Variants in AFF1 observed in about 807,000 individuals in gnomAD.
The protein encoded by AFF1 is AF4/FMR2 family member 1.
Under a neutral mutation model 121.7 loss-of-function variants are expected in AFF1, and 48 were observed. That is an observed-to-expected ratio of 0.39 (90% CI 0.31 to 0.50). AFF1 has a LOEUF of 0.50. Among genes scored for constraint, AFF1 ranks in the 20% least tolerant of loss-of-function variants. The pLI, the probability that AFF1 is intolerant of heterozygous loss-of-function variation, is 0.76. For synonymous variants in AFF1, 613 were observed against 563.0 expected (o/e 1.09, Z -1.26); for missense variants, 1,523 against 1,511.7 (o/e 1.01, Z -0.12).
chr4:87,056,620 CTTTG>C (rs1347536051), intron 4 of AFF1, among the ~76,000 whole-genome samples: 2 of 152,156 alleles, frequency 1.3e-5, no homozygotes, highest in Admixed American at 6.5e-5. Flanking sequence ...TTAAAAATAA[CTTTG>C]TTTCTTTGTC....
At position 86,989,397 on chromosome 4, in the gene AFF1, A is replaced by G. The variant is rs780456488; in HGVS notation, c.38+40826A>G. The stretch of plus-strand genomic sequence containing the variant: ...ATGAATAGAGACTTCTCAAAAGAAG[A>G]CATTTATGCGGCCAACAAACATGAA... On this transcript the variant is annotated intron_variant, in intron 2 of 20. Transcript: ENST00000395146. Among the ~76,000 whole-genome samples the G allele has an allele frequency of 5.3e-5, 8 of 152,248 alleles. No homozygotes were observed. The East Asian group carries it at 1.3e-3, about 26-fold the overall frequency.
chr4:87,102,724 G>C (rs1490514706), intron 8 of AFF1, among the ~76,000 whole-genome samples: 1 of 152,154 alleles, frequency 6.6e-6, no homozygotes, highest in Non-Finnish European at 1.5e-5. Flanking sequence ...AAAATTTATA[G>C]GTGAGAAAGA....
rs1491446337 is a variant in AFF1 at position 87,008,621 on chromosome 4, T to TG, written c.39-37545_39-37544insG. On this transcript the variant is annotated intron_variant, in intron 2 of 20. Transcript: ENST00000395146. The stretch of plus-strand genomic sequence containing the variant: ...GTTAACCTCTAGCTGAAATTTAGTG[T>TG]TTTTTTTTTTTTTAAGTAGGACTAG... 9.8e-3 allele frequency among the ~76,000 whole-genome samples: 168 copies of TG among 17,138 alleles called. 1 individual carries two copies. The highest frequency in any genetic ancestry group is 0.014 in the African/African-American group (158 of 11,300). 11.2% of individuals were successfully genotyped at this position (17,138 alleles called of 152,430 possible).
At position 87,013,032 on chromosome 4, in the gene AFF1, C is replaced by CTTTTTTTTTGTTTTTT. The variant is rs1391718271; in HGVS notation, c.39-33125_39-33124insGTTTTTTTTTTTTTTT. Reference sequence around the variant, plus strand: ...AACCAGATTGAACTGCTATCAAGTTCTTTTTTTTTTTTTTTTTTTTTTTTT... The same window carrying CTTTTTTTTTGTTTTTT: ...AACCAGATTGAACTGCTATCAAGTTCTTTTTTTTTGTTTTTTTTTTTTTTTTTTTTTTTTTTTTTTT... On this transcript the variant is annotated intron_variant, in intron 2 of 20. Transcript: ENST00000395146. Among the ~76,000 whole-genome samples, 2 of 93,514 alleles carry CTTTTTTTTTGTTTTTT rather than the reference C, an allele frequency of 2.1e-5. 1 individual carries two copies. Among genetic ancestry groups the CTTTTTTTTTGTTTTTT allele is most frequent in the African/African-American group, 8.6e-5 (2 of 23,244 alleles). 61.3% of individuals were successfully genotyped at this position (93,514 alleles called of 152,430 possible). A position where few individuals can be genotyped will look rare whatever the true frequency, so the allele number is the denominator to read the frequency against.
In AFF1 at chr4:87,126,070, T is replaced by G. The variant is rs1728212135; in HGVS notation, c.2574-29T>G. 1.9e-6 allele frequency: 3 copies of G among 1,607,118 alleles called. No individual in the cohort carries two copies. In the African/African-American group the frequency reaches 4.0e-5, roughly 22 times the overall value. ...GCCGCTTGATGTGTACTTTGCCTCC[T>G]CTTAGTTTTACGTGATGTTTCACTC... On this transcript the variant is annotated intron_variant, in intron 13 of 20. Transcript: ENST00000395146.
chr4:87,069,250 G>T (rs1721711877), intron 4 of AFF1, among the ~76,000 whole-genome samples: 1 of 148,864 alleles, frequency 6.7e-6, no homozygotes, highest in Non-Finnish European at 1.5e-5. Context: ...TAATAGACAG[G>T]TGGCGTGGTG....
At chr4:86,984,281 G>C (rs1724027177) in intron 2 of AFF1, among the ~76,000 whole-genome samples, 1 of 149,988 alleles carries the variant, frequency 6.7e-6, no homozygotes, top group South Asian at 2.1e-4. Context: ...TTCAAAGTGA[G>C]AACTGTATTT....
At chr4:87,116,766 C>G (rs1398057112) in intron 12 of AFF1, among the ~76,000 whole-genome samples, 2 of 152,192 alleles carry the variant, frequency 1.3e-5, no homozygotes, top group Non-Finnish European at 2.9e-5. Context: ...TGCTCTGTCT[C>G]AGCTAGAAGA....
At chr4:87,025,062 T>C (rs1035290896) in intron 2 of AFF1, among the ~76,000 whole-genome samples, 3 of 152,224 alleles carry the variant, frequency 2.0e-5, no homozygotes, top group African/African-American at 7.2e-5. Context: ...GGTTCTCTTA[T>C]CCTGCTCCAT....
chr4:87,086,548 A>G (rs945192534), intron 5 of AFF1, among the ~76,000 whole-genome samples: 10 of 152,184 alleles, frequency 6.6e-5, no homozygotes, highest in Non-Finnish European at 1.3e-4. Flanking sequence ...AGCAAACAGA[A>G]GGACGTCCAG....
Position 87,115,171 on chromosome 4 carries a change from A to G in AFF1, c.2338A>G (p.Ile780Val). Reference protein sequence around the residue: ...VKITLDLLSRIPQPPGKGSRQ... With the variant: ...VKITLDLLSRVPQPPGKGSRQ... ...GATCACCCTAGACCTGCTCTCTCGG[A>G]TACCCCAGCCTCCCGGGAAGGGGAG... is the stretch of plus-strand genomic sequence containing the variant. Residue 780 changes from isoleucine to valine, a missense_variant, in exon 12 of 21, where the codon ATA becomes GTA. Coordinates refer to ENST00000395146, the MANE Select transcript of AFF1 (RefSeq NM_001166693.3). 1 of 1,614,170 alleles carries G rather than the reference A, an allele frequency of 6.2e-7. No homozygotes were observed. The highest frequency in any genetic ancestry group is 8.5e-7 in the Non-Finnish European group (1 of 1,180,038).
rs1326029423 is a variant in AFF1 at position 87,135,577 on chromosome 4, C to T, written c.3536-3C>T. Reference sequence around the variant, plus strand: ...TTTTTGTTTTGTTTTGTTTTTTTTGCAGAATTCTTTGCTCGGCTCAGCACA... The same window carrying T: ...TTTTTGTTTTGTTTTGTTTTTTTTGTAGAATTCTTTGCTCGGCTCAGCACA... On this transcript the variant is annotated splice_region_variant and splice_polypyrimidine_tract_variant and intron_variant, in intron 20 of 20. Transcript: ENST00000395146. 4 of 1,541,036 alleles carry T rather than the reference C, an allele frequency of 2.6e-6. No individual in the cohort carries two copies. The highest frequency in any genetic ancestry group is 2.1e-5 in the Admixed American group (1 of 47,688).
chr4:87,024,999 C>T (rs1432906035), intron 2 of AFF1, among the ~76,000 whole-genome samples: 1 of 152,250 alleles, frequency 6.6e-6, no homozygotes, highest in South Asian at 2.1e-4. Flanking sequence ...CCCTTCACCT[C>T]TGCTGTGAGA....
intron 2 of AFF1, among the ~76,000 whole-genome samples, chr4:87,012,105 A>G (rs1320727939): frequency 6.6e-6 from 1 of 151,270 alleles, no homozygotes; most frequent in Non-Finnish European, 1.5e-5. Flanking sequence ...CTCCAAATCT[A>G]TTTTTTACAT....
intron 4 of AFF1, chr4:87,049,862 C>T (rs1466142768): frequency 1.9e-5 from 7 of 371,928 alleles, no homozygotes; most frequent in Admixed American, 3.2e-5. Flanking sequence ...ATGAAGGAGT[C>T]GTCAATCCGG....
intron 2 of AFF1, among the ~76,000 whole-genome samples, chr4:86,983,833 C>T (rs1005127807): frequency 1.2e-4 from 18 of 152,028 alleles, no homozygotes; most frequent in African/African-American, 3.4e-4. Context: ...GTCAAGAGAT[C>T]GAGACCATCC....
chr4:87,126,225 C>A lies in AFF1; in HGVS notation c.2700C>A (p.Gly900=), dbSNP rs760527218. ...KRSRREADTC[G]QDPPKSASST... The stretch of plus-strand genomic sequence containing the variant: ...CAAGGCGGGAAGCAGACACCTGTGG[C>A]CAGGACCCTCCCAAAAGTGCCAGCA... Residue 900 remains glycine (G), a synonymous_variant, in exon 14 of 21, where the codon GGC becomes GGA. Transcript: ENST00000395146. The A allele has an allele frequency of 6.2e-7, 1 of 1,614,084 alleles. No homozygotes were observed. Among genetic ancestry groups the A allele is most frequent in the Non-Finnish European group, 8.5e-7 (1 of 1,180,010 alleles).
chr4:87,006,961 A>G, intron 2 of AFF1: 2 of 1,037,762 alleles, frequency 1.9e-6, no homozygotes, highest in Non-Finnish European at 2.3e-6. Flanking sequence ...ATCCCGGCGG[A>G]CTCGGACAAC....
At chr4:87,065,520 AAAAGT>A (rs1241284195) in intron 4 of AFF1, among the ~76,000 whole-genome samples, 3 of 151,766 alleles carry the variant, frequency 2.0e-5, no homozygotes, top group Non-Finnish European at 2.9e-5. Context: ...TAAAAAAAAA[AAAAGT>A]GAGTTGATCA....
Sources: gnomAD v4.1 joint callset for allele counts (sites outside exome capture counted in the v4.1 genomes callset) on GRCh38, gnomAD v4.1.1 for gene constraint, MANE v1.5 for transcripts, NCBI Gene and HGNC (gene_info 2026-07-23, HGNC 2026-07-21) for gene names.